The following PTPN21 variants were observed in gnomAD, a reference collection of about 807,000 sequenced individuals.
PTPN21 encodes the protein tyrosine-protein phosphatase non-receptor type 21.
PTPN21 carries 77 observed loss-of-function variants against 131.8 expected under a neutral mutation model. The ratio of observed to expected loss-of-function variants is 0.58; its 90% CI spans 0.49 to 0.71. PTPN21 has a LOEUF of 0.71. PTPN21 is among the 30% of genes least tolerant of loss of function. The pLI is 0.00. For missense variants in PTPN21, 1,552 were observed against 1,527.1 expected (o/e 1.02, Z -0.27); for synonymous variants, 715 against 621.3 (o/e 1.15, Z -2.24).
chr14:88,525,355 A>C (rs747981812), intron 2 of PTPN21, among the ~76,000 whole-genome samples: 29 of 152,232 alleles, frequency 1.9e-4, no homozygotes, highest in Admixed American at 5.9e-4. Context: ...GAAACGTATA[A>C]AATGACTCTT....
chr14:88,498,249 C>A (rs2077954725), intron 8 of PTPN21, among the ~76,000 whole-genome samples: 1 of 151,468 alleles, frequency 6.6e-6, no homozygotes, highest in Admixed American at 6.6e-5. Context: ...GCATGCCAGT[C>A]TGGGCAACAG....
rs562388575 is a variant in PTPN21, at chr14:88,532,323, G to A, written c.181-15062C>T. 2.0e-5 allele frequency among the ~76,000 whole-genome samples: 3 copies of A among 151,604 alleles called. 1 individual carries two copies. The highest frequency in any genetic ancestry group is 7.3e-5 in the African/African-American group (3 of 41,240). ...GACATAACAAGTACAGATATTTTCA[G>A]CTCTATTTTAAAATGTTTAAATACA... is the stretch of plus-strand genomic sequence containing the variant. On this transcript the variant is annotated intron_variant, in intron 2 of 18. Transcript: ENST00000556564.
intron 2 of PTPN21, among the ~76,000 whole-genome samples, chr14:88,534,300 T>C (rs1008480632): frequency 1.3e-5 from 2 of 151,362 alleles, no homozygotes; most frequent in Admixed American, 6.6e-5. Flanking sequence ...CAAAAATGGC[T>C]TGAACCCAGG....
At chr14:88,478,841 C>A in intron 13 of PTPN21, 79 bp downstream of exon 13, 1 of 965,168 alleles carries the variant, frequency 1.0e-6, no homozygotes, top group Non-Finnish European at 1.4e-6. Flanking sequence ...AGCTGAAAAA[C>A]ACGGGACGTG....
At chr14:88,491,241 G>A (rs2077819498) in intron 10 of PTPN21, among the ~76,000 whole-genome samples, 1 of 152,184 alleles carries the variant, frequency 6.6e-6, no homozygotes, top group South Asian at 2.1e-4. Flanking sequence ...TTATGCCATT[G>A]TATAAATACT....
Position 88,505,370 on chromosome 14 carries a change from C to T in PTPN21, c.450G>A (p.Ala150=), listed in dbSNP as rs148012072. ...AIQLAGLAVQ[A]DFGDFDQYES... is the part of the protein sequence containing the mutation. ...CATACTGATCAAAGTCACCAAAATCCGCTATATAGAATGACAAACATTCAC... is the reference window on the plus strand; with the variant it reads ...CATACTGATCAAAGTCACCAAAATCTGCTATATAGAATGACAAACATTCAC... The change falls in exon 5 of 19, where the codon GCG becomes GCA. Residue 150 remains alanine, a splice_region_variant and synonymous_variant. Transcript: ENST00000556564. The T allele has an allele frequency of 6.3e-4, 1,002 of 1,593,982 alleles. 9 individuals are homozygous for T. The highest frequency in any genetic ancestry group is 8.2e-4 in the African/African-American group (61 of 74,530).
At chr14:88,527,348 T>G (rs900845947) in intron 2 of PTPN21, among the ~76,000 whole-genome samples, 2 of 152,184 alleles carry the variant, frequency 1.3e-5, no homozygotes, top group Non-Finnish European at 2.9e-5. Flanking sequence ...TTATGGCCAT[T>G]ATTGCAGGAG....
At chr14:88,546,273 T>C (rs1478578032) in intron 2 of PTPN21, among the ~76,000 whole-genome samples, 4 of 151,794 alleles carry the variant, frequency 2.6e-5, no homozygotes, top group African/African-American at 9.7e-5. Context: ...ACTGTCATTA[T>C]AGGCCCGGGC....
At chr14:88,533,986 G>A (rs993520725) in intron 2 of PTPN21, among the ~76,000 whole-genome samples, 4 of 152,164 alleles carry the variant, frequency 2.6e-5, no homozygotes, top group Admixed American at 2.0e-4. Context: ...CTGTCCAGGA[G>A]GACAAGATGT....
intron 3 of PTPN21, among the ~76,000 whole-genome samples, chr14:88,508,578 T>C (rs756276261): frequency 2.1e-4 from 32 of 152,174 alleles, no homozygotes; most frequent in Admixed American, 1.2e-3. Context: ...ATAAGACAAT[T>C]AGTCATCTGC....
chr14:88,469,698 T>C lies in PTPN21; in HGVS notation c.3036A>G (p.Pro1012=), dbSNP rs1028648729. ...GGREKSFRYW[P]RLGSRHNTVT... is the part of the protein sequence containing the mutation. The stretch of plus-strand genomic sequence containing the variant: ...CAGTGTTGTGCCTGGAACCAAGTCG[T>C]GGCCAGTACCTAAAGCTCTTCTCCC... The change falls in exon 17 of 19, where the codon CCA becomes CCG. Residue 1012 remains proline, a synonymous_variant. Transcript: ENST00000556564. This position sits in a 1 kb window ranked among gnomAD's most constrained non-coding sequence, Gnocchi z 4.3. 2.5e-6 allele frequency: 4 copies of C among 1,614,102 alleles called. No individual in the cohort carries two copies. The highest frequency in any genetic ancestry group is 2.2e-5 in the East Asian group (1 of 44,896).
chr14:88,537,594 C>T (rs2078648410), intron 2 of PTPN21, among the ~76,000 whole-genome samples: 1 of 152,070 alleles, frequency 6.6e-6, no homozygotes, highest in Non-Finnish European at 1.5e-5. Flanking sequence ...GAAAAATAGA[C>T]AAGCAAAATA....
chr14:88,535,043 A>C (rs1179462133), intron 2 of PTPN21, among the ~76,000 whole-genome samples: 1 of 152,152 alleles, frequency 6.6e-6, no homozygotes, highest in Non-Finnish European at 1.5e-5. Context: ...TAAGTACCCT[A>C]TACAGGTGTA....
At chr14:88,488,774 C>T (rs531813885) in intron 10 of PTPN21, among the ~76,000 whole-genome samples, 20 of 152,238 alleles carry the variant, frequency 1.3e-4, no homozygotes, top group African/African-American at 4.8e-4. Flanking sequence ...ACTACGATCC[C>T]ATCTGCGAAT....
chr14:88,492,447 A>T (rs1385525526), intron 10 of PTPN21, among the ~76,000 whole-genome samples: 2 of 152,164 alleles, frequency 1.3e-5, no homozygotes, highest in African/African-American at 4.8e-5. Context: ...ATTTACAAAG[A>T]AAGCAGGTTC....
chr14:88,546,396 T>TA (rs34744168), intron 2 of PTPN21, among the ~76,000 whole-genome samples: 74,973 of 142,016 alleles, frequency 0.53, 22,025 homozygotes, highest in Middle Eastern at 0.69. Flanking sequence ...CATCTCTACT[T>TA]AAAAAAAAAA....
intron 2 of PTPN21, among the ~76,000 whole-genome samples, chr14:88,549,326 G>A (rs1320747898): frequency 6.6e-6 from 1 of 152,148 alleles, no homozygotes; most frequent in African/African-American, 2.4e-5. Flanking sequence ...TGACCTTTGG[G>A]GGTATATTAG....
chr14:88,489,273 G>T (rs2077785720), intron 10 of PTPN21, among the ~76,000 whole-genome samples: 1 of 152,174 alleles, frequency 6.6e-6, no homozygotes, highest in Admixed American at 6.5e-5. Context: ...ATTTTGCTTT[G>T]TAAGTTTCCT....
At chr14:88,551,006 T>G (rs554509018) in intron 1 of PTPN21, among the ~76,000 whole-genome samples, 1 of 152,164 alleles carries the variant, frequency 6.6e-6, no homozygotes, top group African/African-American at 2.4e-5. Context: ...CTTTAGTCCT[T>G]AAGTGAGAAA....
Sources: allele counts gnomAD v4.1 joint callset (sites outside exome capture counted in the v4.1 genomes callset), GRCh38; gene constraint gnomAD v4.1.1; non-coding constraint Gnocchi (gnomAD v3.1); transcripts MANE v1.5; gene names NCBI Gene and HGNC (gene_info 2026-07-23, HGNC 2026-07-21).